The following NXPE3 variants were observed in gnomAD, a reference collection of about 807,000 sequenced individuals.
NXPE3 encodes the protein NXPE family member 3.
A neutral mutation model predicts 46.1 loss-of-function variants in NXPE3; 26 were observed. The ratio of observed to expected loss-of-function variants is 0.56; its 90% CI spans 0.41 to 0.78. The LOEUF is 0.78. Among genes scored for constraint, NXPE3 ranks in the 30% least tolerant of loss-of-function variants. NXPE3 has a pLI of 0.00. For missense variants in NXPE3, 620 were observed against 686.0 expected (o/e 0.90, Z 1.07); for synonymous variants, 272 against 257.9 (o/e 1.05, Z -0.52).
rs1942414209 is a variant in NXPE3 at position 101,824,741 on chromosome 3, C to G, written c.*2787C>G. On this transcript the variant is annotated 3_prime_UTR_variant, in exon 8 of 8. Coordinates refer to ENST00000273347, the MANE Select transcript of NXPE3 (RefSeq NM_145037.4). ...TACAGGTGTGAGCCACTGTGCCCAG[C>G]TGAGAGTTTTTCTTGTCGTGAAAGA... The G allele has an allele frequency of 6.6e-6, 1 of 152,186 alleles. No individual in the cohort carries two copies. Among genetic ancestry groups the G allele is most frequent in the Non-Finnish European group, 1.5e-5 (1 of 68,060 alleles). The allele number at this position is 152,186 out of a possible 1,614,324, so 9.4% of individuals were successfully genotyped here.
intron 7 of NXPE3, among the ~76,000 whole-genome samples, chr3:101,818,406 AGG>A (rs1942059101): frequency 6.6e-6 from 1 of 152,048 alleles, no homozygotes; most frequent in Non-Finnish European, 1.5e-5. Flanking sequence ...GGGCCTTCCT[AGG>A]TGTCTGTAGT....
At chr3:101,821,081 T>C (rs758081455) in intron 7 of NXPE3, among the ~76,000 whole-genome samples, 3 of 152,214 alleles carry the variant, frequency 2.0e-5, no homozygotes, top group Non-Finnish European at 4.4e-5. Context: ...TAGCAACATT[T>C]CTTGGCCTAA....
At chr3:101,806,226 G>A (rs986287791) in intron 5 of NXPE3, among the ~76,000 whole-genome samples, 1 of 152,114 alleles carries the variant, frequency 6.6e-6, no homozygotes, top group Non-Finnish European at 1.5e-5. Flanking sequence ...AAAAATGACT[G>A]CACATTCCCA....
chr3:101,812,681 A>G (rs952274647), intron 6 of NXPE3, among the ~76,000 whole-genome samples: 3 of 151,778 alleles, frequency 2.0e-5, no homozygotes, highest in African/African-American at 4.8e-5. Flanking sequence ...GCGTGGTGGC[A>G]GGCGCCTGTA....
At position 101,782,654 on chromosome 3, in the gene NXPE3, A is replaced by G. The variant is rs1330774645; in HGVS notation, c.-316-6A>G. 1 of 150,574 alleles carries G rather than the reference A, an allele frequency of 6.6e-6. No individual in the cohort carries two copies. The highest frequency in any genetic ancestry group is 1.9e-4 in the East Asian group (1 of 5,170). The allele number at this position is 150,574 out of a possible 1,614,324, so 9.3% of individuals were successfully genotyped here. On this transcript the variant is annotated splice_polypyrimidine_tract_variant and splice_region_variant and intron_variant, in intron 2 of 7. Transcript: ENST00000273347. The stretch of plus-strand genomic sequence containing the variant: ...CTTTATTTTATTTCATTTTTTTTTG[A>G]GACAGAGTCCTGCTCTGTTGCCCAG...
chr3:101,817,133 C>G lies in NXPE3; in HGVS notation c.1129+132C>G, dbSNP rs571739457. Reference sequence around the variant, plus strand: ...TTCTGTGTAGGACTAAAGAGGTACCCAAACCCTGGAGAGATGTGTGACAGT... The same window carrying G: ...TTCTGTGTAGGACTAAAGAGGTACCGAAACCCTGGAGAGATGTGTGACAGT... On this transcript the variant is annotated intron_variant, in intron 7 of 7. Transcript: ENST00000273347. The G allele has an allele frequency of 6.0e-4, 462 of 766,534 alleles. 7 individuals carry two copies. In the South Asian group the frequency reaches 6.4e-3, roughly 11 times the overall value. The allele number at this position is 766,534 out of a possible 1,614,324, so 47.5% of individuals were successfully genotyped here.
Position 101,826,296 on chromosome 3 carries a change from C to T in NXPE3, c.*4342C>T, listed in dbSNP as rs1388465605. ...GAGAGAGGTACAGGGAAATAAACAC[C>T]CAAGGGAAACAACAGAAATAAGCCT... On this transcript the variant is annotated 3_prime_UTR_variant, in exon 8 of 8. Coordinates refer to ENST00000273347, the MANE Select transcript of NXPE3 (RefSeq NM_145037.4). 6.6e-6 allele frequency: 1 copy of T among 151,986 alleles called. No individual in the cohort carries two copies. Among genetic ancestry groups the T allele is most frequent in the Non-Finnish European group, 1.5e-5 (1 of 68,002 alleles). The allele number at this position is 151,986 out of a possible 1,614,324, so 9.4% of individuals were successfully genotyped here.
chr3:101,819,340 G>T (rs554794103), intron 7 of NXPE3, among the ~76,000 whole-genome samples: 13 of 152,306 alleles, frequency 8.5e-5, no homozygotes, highest in African/African-American at 3.1e-4. Flanking sequence ...GAATAACAAG[G>T]ACTGCCACTG....
At chr3:101,799,774 A>G (rs1056874784) in intron 4 of NXPE3, among the ~76,000 whole-genome samples, 2 of 152,150 alleles carry the variant, frequency 1.3e-5, no homozygotes, top group Non-Finnish European at 2.9e-5. Flanking sequence ...TTACTTTTGC[A>G]TCATTAGGTG....
intron 5 of NXPE3, among the ~76,000 whole-genome samples, chr3:101,803,507 G>A (rs1941266587): frequency 6.6e-6 from 1 of 152,168 alleles, no homozygotes; most frequent in African/African-American, 2.4e-5. Context: ...CATTTTATTC[G>A]TGGGTTCAGG....
At chr3:101,820,094 A>G (rs1942180777) in intron 7 of NXPE3, among the ~76,000 whole-genome samples, 2 of 152,200 alleles carry the variant, frequency 1.3e-5, no homozygotes, top group Non-Finnish European at 2.9e-5. Flanking sequence ...CCAAAGAAGT[A>G]TTTGGTTGCT....
At chr3:101,781,603 G>A (rs1469007889) in intron 1 of NXPE3, 1 of 152,152 alleles carries the variant, frequency 6.6e-6, no homozygotes, top group Non-Finnish European at 1.5e-5. Flanking sequence ...GGCAGAGCAT[G>A]CATTTAACTT....
intron 4 of NXPE3, among the ~76,000 whole-genome samples, chr3:101,800,703 TG>T (rs1941090063): frequency 6.6e-6 from 1 of 152,140 alleles, no homozygotes; most frequent in Non-Finnish European, 1.5e-5. Flanking sequence ...TGTTAAGGGT[TG>T]TTTTTTTTTT....
intron 5 of NXPE3, among the ~76,000 whole-genome samples, chr3:101,806,260 A>G (rs1168893177): frequency 2.6e-5 from 4 of 152,176 alleles, no homozygotes; most frequent in Non-Finnish European, 5.9e-5. Flanking sequence ...AGAAGTTAAC[A>G]TTTTATGTTT....
At position 101,802,041 on chromosome 3, in the gene NXPE3, C is replaced by T. The variant is rs763347741; in HGVS notation, c.848+52C>T. 4.0e-6 allele frequency: 6 copies of T among 1,510,586 alleles called. No homozygotes were observed. In the East Asian group the frequency reaches 1.4e-4, roughly 34 times the overall value. The allele number at this position is 1,510,586 out of a possible 1,614,324, so 93.6% of individuals were successfully genotyped here. A position where few individuals can be genotyped will look rare whatever the true frequency, so the allele number is the denominator to read the frequency against. On this transcript the variant is annotated intron_variant, in intron 5 of 7. Coordinates refer to ENST00000273347, the MANE Select transcript of NXPE3 (RefSeq NM_145037.4). Reference sequence around the variant, plus strand: ...ATTTGAAGAGTTCTTTTCCACTGTCCTTGTCCCATTTAGGAGACTTTCTGG... The same window carrying T: ...ATTTGAAGAGTTCTTTTCCACTGTCTTTGTCCCATTTAGGAGACTTTCTGG...
chr3:101,819,059 C>G (rs1163132087), intron 7 of NXPE3, among the ~76,000 whole-genome samples: 3 of 151,928 alleles, frequency 2.0e-5, no homozygotes, highest in Admixed American at 2.0e-4. Flanking sequence ...GCCACCTTGC[C>G]CATCCTATAG....
At chr3:101,819,825 A>G (rs1942165131) in intron 7 of NXPE3, among the ~76,000 whole-genome samples, 1 of 152,192 alleles carries the variant, frequency 6.6e-6, no homozygotes, top group African/African-American at 2.4e-5. Context: ...TACTATGGTT[A>G]CCATGTTGTG....
intron 7 of NXPE3, among the ~76,000 whole-genome samples, chr3:101,821,152 A>G (rs768557756): frequency 7.9e-5 from 12 of 152,348 alleles, no homozygotes; most frequent in South Asian, 2.1e-4. Flanking sequence ...TGTAGAGTCT[A>G]TCACTGATGG....
At position 101,808,834 on chromosome 3, in the gene NXPE3, T is replaced by TAC. The variant is rs1435394024; in HGVS notation, c.922+1709_922+1710insCA. ...ATTTTAGAGGATATATATATATATA[T>TAC]ATATATATATATATATATATATGAG... On this transcript the variant is annotated intron_variant, in intron 6 of 7. Coordinates refer to ENST00000273347, the MANE Select transcript of NXPE3 (RefSeq NM_145037.4). Among the ~76,000 whole-genome samples the TAC allele has an allele frequency of 2.2e-4, 25 of 113,736 alleles. 1 individual carries two copies. The highest frequency in any genetic ancestry group is 6.2e-4 in the Admixed American group (7 of 11,220). 74.6% of individuals were successfully genotyped at this position (113,736 alleles called of 152,430 possible).
Sources: allele counts gnomAD v4.1 joint callset (sites outside exome capture counted in the v4.1 genomes callset), GRCh38; gene constraint gnomAD v4.1.1; transcripts MANE v1.5; gene names NCBI Gene and HGNC (gene_info 2026-07-23, HGNC 2026-07-21).